Variants in PAGE1 observed in about 807,000 individuals in gnomAD.
PAGE1 encodes the protein P antigen family member 1.
Under a neutral mutation model 11.5 loss-of-function variants are expected in PAGE1, and 6 were observed. That is an observed-to-expected ratio of 0.52 (90% CI 0.29 to 1.03). The LOEUF is 1.03. Among genes scored for constraint, PAGE1 ranks in the 50% least tolerant of loss-of-function variants. PAGE1 has a pLI of 0.09. For missense variants in PAGE1, 120 were observed against 110.2 expected (o/e 1.09, Z -0.40); for synonymous variants, 42 against 40.2 (o/e 1.05, Z -0.17).
chrX:49,688,673 T>C (rs1474859545), intron 5 of PAGE1, among the ~76,000 whole-genome samples: 1 of 111,914 alleles, frequency 8.9e-6, no homozygotes, highest in Non-Finnish European at 1.9e-5. Flanking sequence ...AATATCTGAC[T>C]TAAACTCACT....
chrX:49,692,549 A>T (rs1046295431), intron 3 of PAGE1, among the ~76,000 whole-genome samples: 10 of 111,437 alleles, frequency 9.0e-5, no homozygotes, highest in African/African-American at 2.6e-4. Flanking sequence ...TTTTCTACAA[A>T]TGTTATGTCT....
At position 49,694,178 on chromosome X, in the gene PAGE1, G is replaced by A. The variant is rs143224517; in HGVS notation, c.87C>T (p.Asp29=). Residue 29 remains aspartate (D), a synonymous_variant, in exon 3 of 6, where the codon GAC becomes GAT. Coordinates refer to ENST00000376150, the MANE Select transcript of PAGE1 (RefSeq NM_003785.4). ...GACTTTGAGTTGGTGATTCCACTTC[G>A]TCAGGTTGCTCATCACTGGACTCCT... ...SSEESSDEQP[D]EVESPTQSQD... The A allele has an allele frequency of 0.018, 21,622 of 1,176,436 alleles. 148 individuals are homozygous for A. Among genetic ancestry groups the A allele is most frequent in the South Asian group, 0.023 (1,218 of 53,449 alleles).
chrX:49,690,183 A>G (rs1174521238), intron 4 of PAGE1, among the ~76,000 whole-genome samples: 2 of 98,613 alleles, frequency 2.0e-5, no homozygotes, highest in Non-Finnish European at 4.1e-5. Flanking sequence ...AACATGAAAT[A>G]TGAACAAGAA....
At chrX:49,694,064 A>ACACACACC (rs1557142516) in intron 3 of PAGE1, 35 bp downstream of exon 3, 49 of 788,832 alleles carry the variant, frequency 6.2e-5, no homozygotes, top group Admixed American at 7.7e-5. Flanking sequence ...ACACACACAC[A>ACACACACC]CCCCAACAGG....
rs1393264816 is a variant in PAGE1, at chrX:49,691,400, T to G, written c.167-26A>C. 5 of 1,160,432 alleles carry G rather than the reference T, an allele frequency of 4.3e-6. No individual in the cohort carries two copies. In the East Asian group the frequency reaches 1.5e-4, roughly 35 times the overall value. On this transcript the variant is annotated intron_variant, in intron 3 of 5. Transcript: ENST00000376150. ...CTTAAAGATAAAACAAAATTATCAT[T>G]TTAAGCAGCAACACATGAAATATGA...
chrX:49,692,125 C>A (rs967524133), intron 3 of PAGE1, among the ~76,000 whole-genome samples: 3 of 107,806 alleles, frequency 2.8e-5, no homozygotes, highest in Non-Finnish European at 5.8e-5. Flanking sequence ...CCAACCTGGG[C>A]AACAGAGTGA....
Position 49,691,230 on chromosome X carries a change from T to C in PAGE1, c.292+19A>G. 8.3e-7 allele frequency: 1 copy of C among 1,203,554 alleles called. No homozygotes were observed. The highest frequency in any genetic ancestry group is 1.8e-5 in the South Asian group (1 of 55,008). ...GGAAACAGACACCCTACAATTTGCATGCTTAATGGACTACCTACCTTCTGC... is the reference window on the plus strand; with the variant it reads ...GGAAACAGACACCCTACAATTTGCACGCTTAATGGACTACCTACCTTCTGC... On this transcript the variant is annotated intron_variant, in intron 4 of 5. Transcript: ENST00000376150.
chrX:49,694,472 A>T (rs1376991232), intron 2 of PAGE1, among the ~76,000 whole-genome samples: 1 of 111,449 alleles, frequency 9.0e-6, no homozygotes, highest in Non-Finnish European at 1.9e-5. Context: ...TGTCATTCAC[A>T]AGCAAAGCAT....
chrX:49,693,114 G>A (rs2147146592), intron 3 of PAGE1, among the ~76,000 whole-genome samples: 1 of 111,711 alleles, frequency 9.0e-6, no homozygotes, highest in South Asian at 3.8e-4. Flanking sequence ...TGAGGACTAT[G>A]GAAAATCTTA....
At chrX:49,688,451 A>G (rs1413131861) in intron 5 of PAGE1, among the ~76,000 whole-genome samples, 7 of 111,158 alleles carry the variant, frequency 6.3e-5, no homozygotes, top group Non-Finnish European at 1.3e-4. Flanking sequence ...ATAGGCATTC[A>G]GGTCTCCACA....
chrX:49,689,794 ATG>A (rs782193806), intron 4 of PAGE1, among the ~76,000 whole-genome samples: 3 of 59,914 alleles, frequency 5.0e-5, no homozygotes, highest in East Asian at 7.0e-4. Flanking sequence ...ACACATATAT[ATG>A]TATATATATG....
At chrX:49,689,564 AAAAAAAAAAAAATAT>A (rs2066897337) in intron 4 of PAGE1, 21 bp from the exon 5 acceptor site, 1 of 188,015 alleles carries the variant, frequency 5.3e-6, no homozygotes, top group African/African-American at 1.0e-4. Flanking sequence ...AAAAAAAAAA[AAAAAAAAAAAAATAT>A]ATATATATAT....
At chrX:49,688,218 C>A (rs1274993193) in intron 5 of PAGE1, among the ~76,000 whole-genome samples, 1 of 112,431 alleles carries the variant, frequency 8.9e-6, no homozygotes, top group Non-Finnish European at 1.9e-5. Context: ...AGTGAGACCT[C>A]ATCTGTATAA....
At chrX:49,688,990 C>T (rs1441123885) in intron 5 of PAGE1, among the ~76,000 whole-genome samples, 1 of 111,622 alleles carries the variant, frequency 9.0e-6, no homozygotes, top group African/African-American at 3.3e-5. Context: ...TTCAAATAAC[C>T]TTTATATAAG....
At chrX:49,693,966 G>A (rs2066930117) in intron 3 of PAGE1, 133 bp downstream of exon 3, 1 of 374,569 alleles carries the variant, frequency 2.7e-6, no homozygotes, top group African/African-American at 2.6e-5. Context: ...TCAATTTCTA[G>A]GCATCGTTTG....
intron 3 of PAGE1, among the ~76,000 whole-genome samples, chrX:49,692,402 C>T (rs1265867536): frequency 9.0e-6 from 1 of 110,511 alleles, no homozygotes; most frequent in Non-Finnish European, 1.9e-5. Flanking sequence ...ACATAATATC[C>T]GTAAGTGTGT....
chrX:49,694,637 CA>C, intron 2 of PAGE1, 70 bp downstream of exon 2: 1 of 719,142 alleles, frequency 1.4e-6, no homozygotes, highest in Non-Finnish European at 2.1e-6. Context: ...AACACTATCA[CA>C]AAAATTAATT....
intron 3 of PAGE1, among the ~76,000 whole-genome samples, chrX:49,691,790 G>C (rs190390449): frequency 5.6e-4 from 63 of 111,720 alleles, no homozygotes; most frequent in African/African-American, 1.9e-3. Context: ...ACACAAAAAA[G>C]CCCAAAGTGC....
chrX:49,692,822 A>G (rs782572023), intron 3 of PAGE1, among the ~76,000 whole-genome samples: 12 of 109,958 alleles, frequency 1.1e-4, no homozygotes, highest in Non-Finnish European at 1.7e-4. Flanking sequence ...AGGTCTCCCT[A>G]TGTTTCCCAG....
Sources: allele counts gnomAD v4.1 joint callset (sites outside exome capture counted in the v4.1 genomes callset), GRCh38; gene constraint gnomAD v4.1.1; transcripts MANE v1.5; gene names NCBI Gene and HGNC (gene_info 2026-07-23, HGNC 2026-07-21).